The following ATP10D variants were observed in gnomAD, a reference collection of about 807,000 sequenced individuals.
ATP10D encodes the protein ATPase phospholipid transporting 10D (putative), also known as phospholipid-transporting ATPase VD.
ATP10D carries 89 observed loss-of-function variants against 144.8 expected under a neutral mutation model. The observed-to-expected ratio is 0.61, with a 90% CI of 0.52 to 0.73. The LOEUF is 0.73. ATP10D is among the 30% of genes least tolerant of loss of function. The probability of loss-of-function intolerance (pLI) is 0.00; values close to 1 mark genes in which losing one functional copy is unlikely to be tolerated. For missense variants in ATP10D, 1,603 were observed against 1,714.8 expected, an observed-to-expected ratio of 0.93 and a Z score of 1.15; for synonymous variants, 571 against 615.1, an observed-to-expected ratio of 0.93 and a Z score of 1.06.
chr4:47,539,531 G>A (rs1012153046), intron 9 of ATP10D, among the ~76,000 whole-genome samples: 1 of 151,940 alleles, frequency 6.6e-6, no homozygotes, highest in Non-Finnish European at 1.5e-5. Context: ...GCATTTGCAC[G>A]CACACACATT....
At chr4:47,514,170 T>TG (rs1179358301) in intron 2 of ATP10D, among the ~76,000 whole-genome samples, 1 of 152,246 alleles carries the variant, frequency 6.6e-6, no homozygotes, top group East Asian at 1.9e-4. Context: ...TCATTCCACA[T>TG]ACATTCATTC....
Position 47,546,716 on chromosome 4 carries a change from A to G in ATP10D, c.1489A>G (p.Arg497Gly), listed in dbSNP as rs772297522. 6.2e-7 allele frequency: 1 copy of G among 1,614,138 alleles called. No homozygotes were observed. The highest frequency in any genetic ancestry group is 1.3e-5 in the African/African-American group (1 of 75,044). The change falls in exon 10 of 23, where the codon AGA becomes GGA. Residue 497 changes from arginine to glycine, a missense_variant. Physicochemically the swap from Arg to Gly is moderately radical, Grantham distance 125. Coordinates refer to ENST00000273859, the MANE Select transcript of ATP10D (RefSeq NM_020453.4). ...TTCCCTCAGCAATATGGCAAAACCG[A>G]GAGCCCCCAGCTGCAGGACAGTTCA... ...SGSLSNMAKP[R>G]APSCRTVHNG...
chr4:47,506,558 A>G (rs1229020939), intron 1 of ATP10D, among the ~76,000 whole-genome samples: 3 of 152,234 alleles, frequency 2.0e-5, no homozygotes, highest in Non-Finnish European at 2.9e-5. Context: ...GCACTAGAGT[A>G]TTCCAGAGTA....
Position 47,546,844 on chromosome 4 carries a change from T to C in ATP10D, c.1617T>C (p.Ala539=). The change falls in exon 10 of 23, where the codon GCT becomes GCC. Residue 539 remains alanine (A), a synonymous_variant. Coordinates refer to ENST00000273859, the MANE Select transcript of ATP10D (RefSeq NM_020453.4). ...GASEVPHSRQ[A]AFSSPIETDV... is the part of the protein sequence containing the mutation. ...GTGAAGTGCCTCATTCCAGACAGGC[T>C]GCTTTCAGTAGCCCCATTGTAAGTA... 4 of 1,612,886 alleles carry C rather than the reference T, an allele frequency of 2.5e-6. No homozygotes were observed. Among genetic ancestry groups the C allele is most frequent in the Non-Finnish European group, 3.4e-6 (4 of 1,179,898 alleles).
rs1297149933 is a variant in ATP10D, at chr4:47,579,833, C to T, written c.3568-565C>T. 2.0e-5 allele frequency among the ~76,000 whole-genome samples: 3 copies of T among 152,304 alleles called. No homozygotes were observed. In the East Asian group the frequency reaches 5.8e-4, roughly 29 times the overall value. On this transcript the variant is annotated intron_variant, in intron 19 of 22. Transcript: ENST00000273859. ...TTGATTAATTAGAGAGATGGCATGA[C>T]CTGGTTTACATTTTTTAAGTCCATT...
In ATP10D at chr4:47,576,888, T is replaced by C. The variant is rs762184323; in HGVS notation, c.3482T>C (p.Val1161Ala). The stretch of plus-strand genomic sequence containing the variant: ...CTCCTCTTCACATCTGCCCCTCCTG[T>C]CATTTATGGTGTTTTGGAGAAAGAT... Reference protein sequence around the residue: ...FNLLFTSAPPVIYGVLEKDVS... With the variant: ...FNLLFTSAPPAIYGVLEKDVS... The change falls in exon 19 of 23, where the codon GTC becomes GCC. Residue 1161 changes from valine (V) to alanine (A), a missense_variant. Coordinates refer to ENST00000273859, the MANE Select transcript of ATP10D (RefSeq NM_020453.4). The C allele has an allele frequency of 2.0e-5, 33 of 1,614,044 alleles. No homozygotes were observed. Among genetic ancestry groups the C allele is most frequent in the Non-Finnish European group, 2.4e-5 (28 of 1,180,028 alleles).
chr4:47,535,692 C>A, intron 6 of ATP10D, 77 bp downstream of exon 6: 5 of 1,465,914 alleles, frequency 3.4e-6, no homozygotes, highest in Non-Finnish European at 4.6e-6. Flanking sequence ...CTCAAAAATG[C>A]AATCTGTTGA....
chr4:47,494,988 GT>G (rs1460487102), intron 1 of ATP10D, among the ~76,000 whole-genome samples: 1 of 152,080 alleles, frequency 6.6e-6, no homozygotes, highest in Non-Finnish European at 1.5e-5. Flanking sequence ...CATTTATAAG[GT>G]AACTTTTAGT....
chr4:47,545,607 G>A (rs541037256), intron 9 of ATP10D, among the ~76,000 whole-genome samples: 1 of 152,086 alleles, frequency 6.6e-6, no homozygotes, highest in South Asian at 2.1e-4. Context: ...AAAGAAGATA[G>A]GAAATTAGGA....
rs1717807226 is a variant in ATP10D at position 47,535,629 on chromosome 4, C to T, written c.883+14C>T. The T allele has an allele frequency of 5.6e-6, 9 of 1,596,282 alleles. No individual in the cohort carries two copies. The highest frequency in any genetic ancestry group is 7.7e-6 in the Non-Finnish European group (9 of 1,171,714). On this transcript the variant is annotated intron_variant, in intron 6 of 22. Transcript: ENST00000273859. Reference sequence around the variant, plus strand: ...TGGTTTATGCAGGTCGGTTATGTTTCTAATTTTCATTGTCTACTCTGTGCT... The same window carrying T: ...TGGTTTATGCAGGTCGGTTATGTTTTTAATTTTCATTGTCTACTCTGTGCT...
chr4:47,585,194 A>G (rs535404528), intron 21 of ATP10D, among the ~76,000 whole-genome samples: 10 of 152,276 alleles, frequency 6.6e-5, no homozygotes, highest in African/African-American at 2.4e-4. Flanking sequence ...CTTTATAACA[A>G]AGATTAATCA....
Position 47,554,775 on chromosome 4 carries a change from T to C in ATP10D, c.1685T>C (p.Ile562Thr). Residue 562 changes from isoleucine (I) to threonine (T), a missense_variant, in exon 11 of 23, where the codon ATT becomes ACT. Transcript: ENST00000273859. ...DTRLLDKFSQ[I>T]TPRLFMPLDE... ...AGGCTTTTAGACAAATTTAGTCAGA[T>C]TACACCTCGGCTCTTTATGCCACTA... 1 of 1,614,056 alleles carries C rather than the reference T, an allele frequency of 6.2e-7. No homozygotes were observed. The highest frequency in any genetic ancestry group is 1.1e-5 in the South Asian group (1 of 91,066).
intron 20 of ATP10D, among the ~76,000 whole-genome samples, chr4:47,580,796 T>A (rs1720475030): frequency 6.6e-6 from 1 of 152,186 alleles, no homozygotes; most frequent in Admixed American, 6.5e-5. Flanking sequence ...GCACAGTGGC[T>A]CACACCTGTA....
chr4:47,504,585 T>G (rs572598091), intron 1 of ATP10D, among the ~76,000 whole-genome samples: 1 of 152,056 alleles, frequency 6.6e-6, no homozygotes, highest in Admixed American at 6.5e-5. Flanking sequence ...CTTTTTGAGA[T>G]GGAGTCTCAC....
chr4:47,577,113 G>A (rs1720279702), intron 19 of ATP10D, 140 bp downstream of exon 19: 17 of 750,552 alleles, frequency 2.3e-5, no homozygotes, highest in Middle Eastern at 2.8e-4. Flanking sequence ...TACTTATGTG[G>A]CAGATATTCA....
At chr4:47,515,728 A>C in intron 3 of ATP10D, 58 bp downstream of exon 3, 1 of 1,377,974 alleles carries the variant, frequency 7.3e-7, no homozygotes, top group Admixed American at 2.0e-5. Flanking sequence ...AAATATGCAG[A>C]ATGTTACTTT....
chr4:47,563,556 C>T, intron 14 of ATP10D, 25 bp from the exon 15 acceptor site: 1 of 1,585,224 alleles, frequency 6.3e-7, no homozygotes, highest in Non-Finnish European at 8.6e-7. Flanking sequence ...CTTACAAGTC[C>T]TATTGCACTT....
intron 5 of ATP10D, among the ~76,000 whole-genome samples, chr4:47,530,236 TA>T (rs1438376577): frequency 6.6e-6 from 1 of 151,846 alleles, no homozygotes; most frequent in African/African-American, 2.4e-5. Context: ...CAACGGTTAT[TA>T]GGGGGAATGC....
chr4:47,486,365 T>C (rs1714758564), intron 1 of ATP10D, among the ~76,000 whole-genome samples: 1 of 152,222 alleles, frequency 6.6e-6, no homozygotes, highest in Admixed American at 6.5e-5. Context: ...TTGCGTTCTT[T>C]TCATGCTGGT....
Sources: gnomAD v4.1 joint callset for allele counts (sites outside exome capture counted in the v4.1 genomes callset) on GRCh38, gnomAD v4.1.1 for gene constraint, MANE v1.5 for transcripts, NCBI Gene and HGNC (gene_info 2026-07-23, HGNC 2026-07-21) for gene names.